NDUFAF2: variants seen among roughly 807,000 people sequenced by gnomAD.
NDUFAF2 encodes NADH dehydrogenase [ubiquinone] 1 alpha subcomplex assembly factor 2.
Under a neutral mutation model 22.8 loss-of-function variants are expected in NDUFAF2, and 13 were observed. The observed-to-expected ratio is 0.57, with a 90% CI of 0.37 to 0.91. NDUFAF2 has a LOEUF of 0.91. Ranked by LOEUF, NDUFAF2 falls within the 40% of genes least tolerant of loss-of-function variation. The pLI, the probability that NDUFAF2 is intolerant of heterozygous loss-of-function variation, is 0.01. For synonymous variants in NDUFAF2, 53 were observed against 64.2 expected (o/e 0.83, Z 0.84); for missense variants, 162 against 195.2 (o/e 0.83, Z 1.01).
At chr5:61,076,618 G>A (rs749965790) in intron 2 of NDUFAF2, among the ~76,000 whole-genome samples, 44 of 152,204 alleles carry the variant, frequency 2.9e-4, no homozygotes, top group Non-Finnish European at 6.0e-4. Flanking sequence ...AATCTGGGGG[G>A]CCTTGTAGGC....
At chr5:61,136,004 T>C (rs1228655782) in intron 3 of NDUFAF2, among the ~76,000 whole-genome samples, 5 of 73,066 alleles carry the variant, frequency 6.8e-5, no homozygotes, top group African/African-American at 2.5e-4. Flanking sequence ...TAAGCCTGTC[T>C]TTATATATAT....
At chr5:61,118,238 C>T (rs972359633) in intron 3 of NDUFAF2, among the ~76,000 whole-genome samples, 1 of 152,104 alleles carries the variant, frequency 6.6e-6, no homozygotes, top group African/African-American at 2.4e-5. Context: ...CACAAGGAGA[C>T]AATTGGAGAG....
intron 3 of NDUFAF2, among the ~76,000 whole-genome samples, chr5:61,143,960 T>TTGTGTG (rs58281805): frequency 3.9e-4 from 38 of 98,138 alleles, no homozygotes; most frequent in African/African-American, 7.4e-4. Context: ...TGGCATATTT[T>TTGTGTG]TGTGTGTGTG....
intron 1 of NDUFAF2, among the ~76,000 whole-genome samples, chr5:61,020,579 A>G (rs1411426797): frequency 6.6e-6 from 1 of 150,636 alleles, no homozygotes; most frequent in Non-Finnish European, 1.5e-5. Flanking sequence ...GTGTGTACAC[A>G]TGCACGCATG....
chr5:61,096,209 A>G (rs1752637339), intron 2 of NDUFAF2, among the ~76,000 whole-genome samples: 1 of 152,126 alleles, frequency 6.6e-6, no homozygotes, highest in African/African-American at 2.4e-5. Flanking sequence ...AAGAGTAAAT[A>G]CCCCAAAAGA....
intron 1 of NDUFAF2, among the ~76,000 whole-genome samples, chr5:60,978,047 G>C (rs1304014319): frequency 6.6e-6 from 1 of 152,264 alleles, no homozygotes; most frequent in East Asian, 1.9e-4. Flanking sequence ...CCTGGTAGCA[G>C]CTGTGGGCCA....
rs546966910 is a variant in NDUFAF2 at position 61,137,971 on chromosome 5, C to G, written c.259-14733C>G. Among the ~76,000 whole-genome samples, 217 of 152,316 alleles carry G rather than the reference C, an allele frequency of 1.4e-3. 4 individuals are homozygous for G. The highest frequency in any genetic ancestry group is 7.4e-5 in the Non-Finnish European group (5 of 68,022). On this transcript the variant is annotated intron_variant, in intron 3 of 3. Transcript: ENST00000296597. ...GGCCTTTATGGCCCTGCCTGCCTGC[C>G]TTATTCAGTTACTGGATGTGGGCTG...
At chr5:61,026,496 CAG>C (rs1450041038) in intron 1 of NDUFAF2, among the ~76,000 whole-genome samples, 1 of 151,888 alleles carries the variant, frequency 6.6e-6, no homozygotes, top group Non-Finnish European at 1.5e-5. Flanking sequence ...ACTATTTAAA[CAG>C]AAAGAATAAG....
At chr5:61,014,787 T>C (rs929515940) in intron 1 of NDUFAF2, among the ~76,000 whole-genome samples, 1 of 152,172 alleles carries the variant, frequency 6.6e-6, no homozygotes, top group Non-Finnish European at 1.5e-5. Flanking sequence ...AGTAGGCCAT[T>C]CTAACATTTT....
At chr5:61,080,006 G>A (rs1206630175) in intron 2 of NDUFAF2, among the ~76,000 whole-genome samples, 1 of 151,906 alleles carries the variant, frequency 6.6e-6, no homozygotes, top group African/African-American at 2.4e-5. Context: ...GAAGATTGTT[G>A]TTTTATGTAA....
In NDUFAF2 at chr5:60,984,693, C is replaced by T. The variant is rs191724671; in HGVS notation, c.127+39311C>T. Among the ~76,000 whole-genome samples, 361 of 152,162 alleles carry T rather than the reference C, an allele frequency of 2.4e-3. 1 individual carries two copies. Among genetic ancestry groups the T allele is most frequent in the African/African-American group, 8.0e-3 (334 of 41,512 alleles). On this transcript the variant is annotated intron_variant, in intron 1 of 3. Coordinates refer to ENST00000296597, the MANE Select transcript of NDUFAF2 (RefSeq NM_174889.5). Reference sequence around the variant, plus strand: ...TTGGTTCTGTTTATATGCTGGATTACGTGTATTGTTTTTTGTATGTTGAAC... The same window carrying T: ...TTGGTTCTGTTTATATGCTGGATTATGTGTATTGTTTTTTGTATGTTGAAC...
At chr5:61,016,342 A>G (rs1276021932) in intron 1 of NDUFAF2, among the ~76,000 whole-genome samples, 1 of 152,190 alleles carries the variant, frequency 6.6e-6, no homozygotes. Flanking sequence ...TGAAAAAGCA[A>G]AAGACTGAAA....
At chr5:60,997,910 T>C (rs921095015) in intron 1 of NDUFAF2, among the ~76,000 whole-genome samples, 7 of 152,228 alleles carry the variant, frequency 4.6e-5, no homozygotes, top group African/African-American at 1.7e-4. Context: ...TTTTGGTTCA[T>C]TGGCCACCTT....
chr5:60,992,028 A>C (rs1489812041), intron 1 of NDUFAF2, among the ~76,000 whole-genome samples: 1 of 152,168 alleles, frequency 6.6e-6, no homozygotes, highest in East Asian at 1.9e-4. Flanking sequence ...GTTTTGATTT[A>C]GATTTCTTTA....
intron 1 of NDUFAF2, among the ~76,000 whole-genome samples, chr5:61,029,316 A>G (rs1207557665): frequency 6.6e-6 from 1 of 152,162 alleles, no homozygotes; most frequent in Non-Finnish European, 1.5e-5. Flanking sequence ...AAAAGGTACA[A>G]GATTTTTTGA....
intron 1 of NDUFAF2, among the ~76,000 whole-genome samples, chr5:61,045,729 CTT>C (rs1751945981): frequency 2.6e-5 from 4 of 151,940 alleles, no homozygotes; most frequent in Admixed American, 2.6e-4. Context: ...TTGATGGAGT[CTT>C]TAGGATTTTT....
chr5:61,091,530 C>T (rs1752568650), intron 2 of NDUFAF2, among the ~76,000 whole-genome samples: 1 of 151,890 alleles, frequency 6.6e-6, no homozygotes, highest in African/African-American at 2.4e-5. Context: ...ATTTTATTTT[C>T]TTGTAAATTT....
chr5:61,041,576 AACTTGGTAG>A (rs1751882944), intron 1 of NDUFAF2, among the ~76,000 whole-genome samples: 1 of 152,204 alleles, frequency 6.6e-6, no homozygotes, highest in South Asian at 2.1e-4. Flanking sequence ...TCGAGTTTAA[AACTTGGTAG>A]ACTTAACTAT....
At chr5:61,026,532 T>G (rs749153547) in intron 1 of NDUFAF2, among the ~76,000 whole-genome samples, 1 of 152,090 alleles carries the variant, frequency 6.6e-6, no homozygotes, top group African/African-American at 2.4e-5. Context: ...TTAAAAAAGG[T>G]TGTATAGTAC....
Sources: gnomAD v4.1 joint callset for allele counts (sites outside exome capture counted in the v4.1 genomes callset) on GRCh38, gnomAD v4.1.1 for gene constraint, MANE v1.5 for transcripts, NCBI Gene and HGNC (gene_info 2026-07-23, HGNC 2026-07-21) for gene names.